Variants in PARD3 observed in about 807,000 individuals in gnomAD.
PARD3 encodes par-3 family cell polarity regulator.
PARD3 carries 75 observed loss-of-function variants against 155.4 expected under a neutral mutation model. The ratio of observed to expected loss-of-function variants is 0.48; its 90% confidence interval spans 0.40 to 0.58. PARD3 has a LOEUF of 0.58. Ranked by LOEUF, PARD3 falls within the 20% of genes least tolerant of loss-of-function variation. The probability of loss-of-function intolerance (pLI) is 0.00; values close to 1 mark genes in which losing one functional copy is unlikely to be tolerated. For synonymous variants in PARD3, 576 were observed against 610.5 expected, an observed-to-expected ratio of 0.94 and a Z score of 0.83; for missense variants, 1,642 against 1,721.7, an observed-to-expected ratio of 0.95 and a Z score of 0.82.
chr10:34,177,153 T>C (rs1589028268), intron 22 of PARD3, among the ~76,000 whole-genome samples: 1 of 152,184 alleles, frequency 6.6e-6, no homozygotes, highest in African/African-American at 2.4e-5. Context: ...AAGGCTAACA[T>C]ATACAGGTAC....
chr10:34,581,227 T>TC, intron 2 of PARD3, among the ~76,000 whole-genome samples: 1 of 128,830 alleles, frequency 7.8e-6, no homozygotes, highest in Non-Finnish European at 1.6e-5. Context: ...ATTTTTCTTT[T>TC]TCTTTTCTTT....
chr10:34,421,398 TTAA>T (rs1165081643), intron 5 of PARD3, among the ~76,000 whole-genome samples: 1 of 150,840 alleles, frequency 6.6e-6, no homozygotes. Context: ...ATATTAGTTA[TTAA>T]TAATTATACT....
chr10:34,150,133 T>C (rs958889494), intron 22 of PARD3, among the ~76,000 whole-genome samples: 1 of 152,230 alleles, frequency 6.6e-6, no homozygotes, highest in Non-Finnish European at 1.5e-5. Context: ...ATAGAAATCA[T>C]CATATTGGCT....
At chr10:34,261,691 A>AGAAG (rs1954969902) in intron 22 of PARD3, among the ~76,000 whole-genome samples, 1 of 117,744 alleles carries the variant, frequency 8.5e-6, no homozygotes, top group African/African-American at 6.0e-5. Context: ...TCTGTCTCAA[A>AGAAG]GAAAGAAAGG....
At chr10:34,313,504 T>C (rs992666894) in intron 20 of PARD3, among the ~76,000 whole-genome samples, 1 of 152,038 alleles carries the variant, frequency 6.6e-6, no homozygotes, top group Non-Finnish European at 1.5e-5. Flanking sequence ...AACAGAAGAG[T>C]GATTCATATG....
chr10:34,458,084 T>C (rs1194495127), intron 4 of PARD3, among the ~76,000 whole-genome samples: 1 of 152,254 alleles, frequency 6.6e-6, no homozygotes, highest in African/African-American at 2.4e-5. Flanking sequence ...TATATTTTCA[T>C]AGAGATGGTT....
rs577253147 is a variant in PARD3 at position 34,796,247 on chromosome 10, T to A, written c.120+18629A>T. On this transcript the variant is annotated intron_variant, in intron 1 of 24. Transcript: ENST00000374788. ...CCCCACCAAACACCAGATATATGAA[T>A]GGAGCCATCTAGGATTTTCCAGGCC... Among the ~76,000 whole-genome samples, 12 of 152,228 alleles carry A rather than the reference T, an allele frequency of 7.9e-5. No homozygotes were observed. The East Asian group carries it at 2.3e-3, about 29-fold the overall frequency.
At chr10:34,167,115 GC>G (rs1949567787) in intron 22 of PARD3, among the ~76,000 whole-genome samples, 1 of 152,178 alleles carries the variant, frequency 6.6e-6, no homozygotes, top group Non-Finnish European at 1.5e-5. Flanking sequence ...CCGCTTACGG[GC>G]CTGGGTCTGT....
chr10:34,355,242 G>A (rs959739047), intron 14 of PARD3, among the ~76,000 whole-genome samples: 5 of 152,154 alleles, frequency 3.3e-5, no homozygotes, highest in African/African-American at 9.7e-5. Flanking sequence ...TGGCAGGATT[G>A]CTTGAGCATG....
At chr10:34,406,244 T>C (rs888981511) in intron 5 of PARD3, among the ~76,000 whole-genome samples, 3 of 152,202 alleles carry the variant, frequency 2.0e-5, no homozygotes, top group African/African-American at 7.2e-5. Context: ...TAAAACTACA[T>C]GCTCAAAAAG....
At chr10:34,199,870 C>A (rs760299407) in intron 22 of PARD3, among the ~76,000 whole-genome samples, 1 of 152,010 alleles carries the variant, frequency 6.6e-6, no homozygotes, top group African/African-American at 2.4e-5. Context: ...AAAGACTATT[C>A]GAATGTGTTA....
In PARD3 at chr10:34,347,362, C is replaced by G. The variant is rs117099312; in HGVS notation, c.2218+603G>C. Among the ~76,000 whole-genome samples the G allele has an allele frequency of 7.4e-3, 1,123 of 152,318 alleles. 6 individuals are homozygous for G. The highest frequency in any genetic ancestry group is 0.011 in the Non-Finnish European group (775 of 68,022). On this transcript the variant is annotated intron_variant, in intron 15 of 24. Transcript: ENST00000374788. Reference sequence around the variant, plus strand: ...AAAGCAAGTGCTAATAACCTCATTACCCACTGGGGGCCATGCAGATAGGAT... The same window carrying G: ...AAAGCAAGTGCTAATAACCTCATTAGCCACTGGGGGCCATGCAGATAGGAT...
intron 20 of PARD3, among the ~76,000 whole-genome samples, chr10:34,297,703 G>A (rs559377669): frequency 1.3e-5 from 2 of 152,184 alleles, no homozygotes; most frequent in Non-Finnish European, 2.9e-5. Flanking sequence ...AATAAAGTAA[G>A]GGTGGACAGC....
At chr10:34,173,138 CACA>C (rs1242900843) in intron 22 of PARD3, among the ~76,000 whole-genome samples, 1 of 152,182 alleles carries the variant, frequency 6.6e-6, no homozygotes, top group Non-Finnish European at 1.5e-5. Flanking sequence ...GCCTTATTTT[CACA>C]ACTACATCTG....
At chr10:34,290,607 C>A (rs1248160564) in intron 20 of PARD3, among the ~76,000 whole-genome samples, 1 of 152,220 alleles carries the variant, frequency 6.6e-6, no homozygotes, top group Non-Finnish European at 1.5e-5. Context: ...AATATAGTCA[C>A]TAGTTCAGTA....
In PARD3 at chr10:34,360,223, C is replaced by T. The variant is rs770191557; in HGVS notation, c.1744G>A (p.Gly582Ser). 12 of 1,613,842 alleles carry T rather than the reference C, an allele frequency of 7.4e-6. No homozygotes were observed. Among genetic ancestry groups the T allele is most frequent in the Non-Finnish European group, 1.0e-5 (12 of 1,179,738 alleles). Residue 582 changes from glycine (G) to serine (S), a missense_variant, in exon 13 of 25, where the codon GGC becomes AGC. Around this residue, in one of 3 missense-constraint regions of PARD3, gnomAD observed 1,529 missense variants for 1,587.3 expected, o/e 0.96. Coordinates refer to ENST00000374788, the MANE Select transcript of PARD3 (RefSeq NM_001184785.2). ...EDEDIVLTPD[G>S]TREFLTFEVP... Reference sequence around the variant, plus strand: ...TCAAATGTCAGAAATTCCCTGGTGCCATCAGGTGTAAGAACAATATCCTCA... The same window carrying T: ...TCAAATGTCAGAAATTCCCTGGTGCTATCAGGTGTAAGAACAATATCCTCA...
At chr10:34,478,575 C>G (rs1156433062) in intron 3 of PARD3, among the ~76,000 whole-genome samples, 1 of 152,178 alleles carries the variant, frequency 6.6e-6, no homozygotes, top group East Asian at 1.9e-4. Context: ...CGGAGTTTCA[C>G]TCTCGTTGCC....
At chr10:34,279,186 A>C (rs1205351189) in intron 21 of PARD3, among the ~76,000 whole-genome samples, 2 of 126,146 alleles carry the variant, frequency 1.6e-5, no homozygotes, top group East Asian at 4.4e-4. Flanking sequence ...TCACTCTGTC[A>C]CAAAAGCTGG....
intron 4 of PARD3, among the ~76,000 whole-genome samples, chr10:34,455,832 A>G (rs1014350558): frequency 1.3e-5 from 2 of 152,180 alleles, no homozygotes; most frequent in Non-Finnish European, 1.5e-5. Context: ...CTAAAAAGCA[A>G]TATTTGAAAT....
Sources: allele counts gnomAD v4.1 joint callset (sites outside exome capture counted in the v4.1 genomes callset), GRCh38; gene constraint gnomAD v4.1.1; regional missense constraint gnomAD v4.1.1; transcripts MANE v1.5; gene names NCBI Gene and HGNC (gene_info 2026-07-23, HGNC 2026-07-21).